Variants in LRFN5 observed in about 807,000 individuals in gnomAD.
LRFN5 encodes leucine rich repeat and fibronectin type III domain containing 5.
In LRFN5, 24 loss-of-function variants were observed where a neutral mutation model predicts 45.6. The ratio of observed to expected loss-of-function variants is 0.53; its 90% CI spans 0.38 to 0.74. The LOEUF (loss-of-function observed/expected upper bound fraction) is 0.74, where lower values mean the gene tolerates loss of function less well. LRFN5 is among the 30% of genes least tolerant of loss of function. LRFN5 has a pLI of 0.00. For missense variants in LRFN5, 776 were observed against 861.5 expected (o/e 0.90, Z 1.24); for synonymous variants, 340 against 313.8 (o/e 1.08, Z -0.88).
At chr14:41,695,604 T>C (rs1202910637) in intron 1 of LRFN5, among the ~76,000 whole-genome samples, 2 of 151,996 alleles carry the variant, frequency 1.3e-5, no homozygotes, top group Non-Finnish European at 2.9e-5. Flanking sequence ...TTAAGAATTA[T>C]GCTATATCTA....
At chr14:41,869,247 C>T (rs1453245855) in intron 2 of LRFN5, among the ~76,000 whole-genome samples, 1 of 152,082 alleles carries the variant, frequency 6.6e-6, no homozygotes, top group Non-Finnish European at 1.5e-5. Flanking sequence ...GAAAGGAAAA[C>T]ACTTTTTGCA....
At chr14:41,792,172 G>A (rs929075867) in intron 2 of LRFN5, among the ~76,000 whole-genome samples, 1 of 151,966 alleles carries the variant, frequency 6.6e-6, no homozygotes, top group African/African-American at 2.4e-5. Context: ...TTTATTAAGG[G>A]TTTCAAAAGG....
At chr14:41,806,767 T>C (rs536518328) in intron 2 of LRFN5, among the ~76,000 whole-genome samples, 75 of 152,286 alleles carry the variant, frequency 4.9e-4, no homozygotes, top group Non-Finnish European at 8.8e-4. Context: ...TACACCTGCC[T>C]GCTTACCGTA....
At chr14:41,617,970 C>T (rs1030378704) in intron 1 of LRFN5, among the ~76,000 whole-genome samples, 2 of 152,120 alleles carry the variant, frequency 1.3e-5, no homozygotes, top group African/African-American at 4.8e-5. Flanking sequence ...TTTTGCTGTG[C>T]TACTTGTGTA....
intron 1 of LRFN5, among the ~76,000 whole-genome samples, chr14:41,717,568 A>G (rs192756471): frequency 3.9e-5 from 6 of 152,158 alleles, no homozygotes; most frequent in Non-Finnish European, 4.4e-5. Context: ...GCTGAAGCCC[A>G]TTCTCACCAC....
chr14:41,889,019 G>GTATA (rs1213411024), intron 3 of LRFN5, among the ~76,000 whole-genome samples: 7 of 147,246 alleles, frequency 4.8e-5, no homozygotes, highest in Non-Finnish European at 9.0e-5. Context: ...ATATGTGTGT[G>GTATA]TATATATACA....
intron 1 of LRFN5, among the ~76,000 whole-genome samples, chr14:41,757,935 G>A (rs1442064402): frequency 6.6e-6 from 1 of 152,086 alleles, no homozygotes; most frequent in African/African-American, 2.4e-5. Context: ...TATAGAGTGA[G>A]CTATCAGAAA....
At chr14:41,669,431 C>G (rs2138654434) in intron 1 of LRFN5, among the ~76,000 whole-genome samples, 1 of 151,880 alleles carries the variant, frequency 6.6e-6, no homozygotes, top group African/African-American at 2.4e-5. Context: ...ATATTTAATA[C>G]AAGAAAATGT....
At chr14:41,763,892 AT>A (rs1885768740) in intron 1 of LRFN5, among the ~76,000 whole-genome samples, 1 of 152,160 alleles carries the variant, frequency 6.6e-6, no homozygotes, top group Admixed American at 6.5e-5. Flanking sequence ...GGAGAACTAT[AT>A]TTCTTGGAAA....
intron 4 of LRFN5, chr14:41,894,219 G>A: frequency 2.0e-6 from 2 of 984,950 alleles, no homozygotes; most frequent in African/African-American, 1.7e-5. Context: ...CATTAGCAAG[G>A]TTAACATATG....
At chr14:41,621,755 T>C (rs901042665) in intron 1 of LRFN5, among the ~76,000 whole-genome samples, 10 of 152,124 alleles carry the variant, frequency 6.6e-5, no homozygotes, top group African/African-American at 2.4e-4. Flanking sequence ...CAGGATTATT[T>C]TCAGGCATAG....
chr14:41,867,023 G>A (rs1341500869), intron 2 of LRFN5, among the ~76,000 whole-genome samples: 1 of 151,964 alleles, frequency 6.6e-6, no homozygotes, highest in Non-Finnish European at 1.5e-5. Flanking sequence ...TACAAATCAC[G>A]AAGAACTGTC....
chr14:41,617,996 T>G (rs1047973637), intron 1 of LRFN5, among the ~76,000 whole-genome samples: 19 of 152,120 alleles, frequency 1.2e-4, no homozygotes, highest in African/African-American at 4.6e-4. Flanking sequence ...CTGTTGATGC[T>G]CTTAATGAGT....
intron 2 of LRFN5, among the ~76,000 whole-genome samples, chr14:41,885,283 C>T (rs1890527000): frequency 6.7e-6 from 1 of 149,888 alleles, no homozygotes; most frequent in Non-Finnish European, 1.5e-5. Context: ...CATGATCACA[C>T]CACTGCACTG....
chr14:41,673,645 G>A (rs1447924983), intron 1 of LRFN5, among the ~76,000 whole-genome samples: 2 of 147,356 alleles, frequency 1.4e-5, no homozygotes, highest in Non-Finnish European at 3.0e-5. Flanking sequence ...CTCCCTCCCG[G>A]ACGGGGCAGC....
chr14:41,665,234 T>C (rs555495279), intron 1 of LRFN5, among the ~76,000 whole-genome samples: 30 of 152,056 alleles, frequency 2.0e-4, no homozygotes, highest in South Asian at 6.2e-4. Context: ...ATAAGACTAA[T>C]GACCCACTTG....
chr14:41,614,447 C>T (rs2138543984), intron 1 of LRFN5, among the ~76,000 whole-genome samples: 1 of 152,212 alleles, frequency 6.6e-6, no homozygotes, highest in East Asian at 1.9e-4. Flanking sequence ...CAATATATTA[C>T]TGGACATTGG....
At chr14:41,692,651 T>C (rs1451247963) in intron 1 of LRFN5, among the ~76,000 whole-genome samples, 1 of 152,074 alleles carries the variant, frequency 6.6e-6, no homozygotes, top group Non-Finnish European at 1.5e-5. Flanking sequence ...CACCTATGAG[T>C]GAGAACATGC....
chr14:41,875,830 G>A (rs889102902), intron 2 of LRFN5, among the ~76,000 whole-genome samples: 1 of 152,162 alleles, frequency 6.6e-6, no homozygotes, highest in Non-Finnish European at 1.5e-5. Flanking sequence ...ATGTAATACT[G>A]TCTTCCTTCT....
Sources: allele counts gnomAD v4.1 joint callset (sites outside exome capture counted in the v4.1 genomes callset), GRCh38; gene constraint gnomAD v4.1.1; transcripts MANE v1.5; gene names NCBI Gene and HGNC (gene_info 2026-07-23, HGNC 2026-07-21).